Variants in ITPR2 observed in about 807,000 individuals in gnomAD.
The protein encoded by ITPR2 is inositol 1,4,5-trisphosphate-gated calcium channel ITPR2.
A neutral mutation model predicts 317.1 loss-of-function variants in ITPR2; 207 were observed. The ratio of observed to expected loss-of-function variants is 0.65; its 90% CI spans 0.58 to 0.73. ITPR2 has a LOEUF of 0.73. ITPR2 is among the 30% of genes least tolerant of loss of function. The probability of loss-of-function intolerance (pLI) is 0.00; values close to 1 mark genes in which losing one functional copy is unlikely to be tolerated. For synonymous variants in ITPR2, 1,156 were observed against 1,149.1 expected (o/e 1.01, Z -0.12); for missense variants, 2,613 against 3,284.0 (o/e 0.80, Z 4.99).
chr12:26,673,980 C>A (rs1418689150), intron 13 of ITPR2, among the ~76,000 whole-genome samples: 21 of 129,396 alleles, frequency 1.6e-4, no homozygotes, highest in East Asian at 7.0e-4. Flanking sequence ...TAGGAATCCA[C>A]CTTACAAGGG....
At chr12:26,406,431 T>TTG (rs1461851380) in intron 52 of ITPR2, 2 of 93,458 alleles carry the variant, frequency 2.1e-5, no homozygotes, top group Non-Finnish European at 4.9e-5. Context: ...ATATGAAGTT[T>TTG]TTTTTTTTTT....
intron 10 of ITPR2, among the ~76,000 whole-genome samples, chr12:26,690,280 G>A (rs933318103): frequency 1.3e-5 from 2 of 152,216 alleles, no homozygotes; most frequent in African/African-American, 2.4e-5. Flanking sequence ...CTTATTAACA[G>A]AAGATCAGCA....
chr12:26,764,031 T>C (rs1592106021), intron 2 of ITPR2, among the ~76,000 whole-genome samples: 1 of 152,170 alleles, frequency 6.6e-6, no homozygotes, highest in East Asian at 1.9e-4. Context: ...ACAGAACAGA[T>C]AGCCCAGAAA....
rs142560125 is a variant in ITPR2 at position 26,449,893 on chromosome 12, C to T, written c.6343-6243G>A. ...ATGTTCAAATCTTATCTCCTGGTAC[C>T]TATGAATGTGATCTTATTCAGAAAC... On this transcript the variant is annotated intron_variant, in intron 45 of 56. Transcript: ENST00000381340. Among the ~76,000 whole-genome samples the T allele has an allele frequency of 2.3e-3, 351 of 152,228 alleles. 4 individuals are homozygous for T. The highest frequency in any genetic ancestry group is 8.1e-3 in the African/African-American group (336 of 41,536).
chr12:26,594,164 T>C (rs139756130), intron 32 of ITPR2, among the ~76,000 whole-genome samples: 230 of 152,220 alleles, frequency 1.5e-3, no homozygotes, highest in African/African-American at 5.3e-3. Flanking sequence ...TCTCTACAGG[T>C]GCATATTTAC....
intron 45 of ITPR2, among the ~76,000 whole-genome samples, chr12:26,456,751 C>A (rs149069395): frequency 0.038 from 5,716 of 152,234 alleles, 141 homozygotes; most frequent in South Asian, 0.088. Flanking sequence ...CCGCTCACTG[C>A]AACCTCCACC....
intron 37 of ITPR2, among the ~76,000 whole-genome samples, chr12:26,506,949 G>T (rs910154935): frequency 8.2e-6 from 1 of 122,010 alleles, no homozygotes; most frequent in African/African-American, 3.8e-5. Flanking sequence ...ATTTATAATA[G>T]AAGATAAAGA....
At chr12:26,585,250 C>A (rs1439286715) in intron 32 of ITPR2, among the ~76,000 whole-genome samples, 2 of 151,982 alleles carry the variant, frequency 1.3e-5, no homozygotes, top group African/African-American at 4.8e-5. Flanking sequence ...TTATGTGTTT[C>A]ACATCTTCCC....
chr12:26,749,124 A>G (rs1296283379), intron 2 of ITPR2, among the ~76,000 whole-genome samples: 1 of 152,178 alleles, frequency 6.6e-6, no homozygotes, highest in Non-Finnish European at 1.5e-5. Flanking sequence ...CCTATTAACC[A>G]TTTGTGGGTT....
intron 44 of ITPR2, among the ~76,000 whole-genome samples, chr12:26,476,273 T>A (rs1243948850): frequency 6.6e-6 from 1 of 152,234 alleles, no homozygotes; most frequent in Non-Finnish European, 1.5e-5. Context: ...GAGTGGGGCT[T>A]AATCATCAGG....
At chr12:26,704,623 C>T (rs1269292652) in intron 9 of ITPR2, among the ~76,000 whole-genome samples, 1 of 150,262 alleles carries the variant, frequency 6.7e-6, no homozygotes, top group African/African-American at 2.4e-5. Context: ...TAAAACACTA[C>T]TCTGCATTTT....
intron 1 of ITPR2, among the ~76,000 whole-genome samples, 154 bp downstream of exon 1, chr12:26,832,536 G>A (rs1334742738): frequency 6.6e-6 from 1 of 152,226 alleles, no homozygotes; most frequent in Non-Finnish European, 1.5e-5. Flanking sequence ...GGGCGAGCGA[G>A]AGAGCGGAGC....
Position 26,711,166 on chromosome 12 carries a change from G to A in ITPR2, c.951+7C>T. 1 of 1,596,772 alleles carries A rather than the reference G, an allele frequency of 6.3e-7. No homozygotes were observed. Among genetic ancestry groups the A allele is most frequent in the Admixed American group, 1.7e-5 (1 of 59,964 alleles). On this transcript the variant is annotated splice_region_variant and intron_variant, in intron 9 of 56. Coordinates refer to ENST00000381340, the MANE Select transcript of ITPR2 (RefSeq NM_002223.4). Reference sequence around the variant, plus strand: ...AAACTTAATACCACTTTATCCATTAGTCTTACCTCTGCAGCTAAATAGTTT... The same window carrying A: ...AAACTTAATACCACTTTATCCATTAATCTTACCTCTGCAGCTAAATAGTTT...
At chr12:26,529,836 A>ATTTGT (rs1943904630) in intron 37 of ITPR2, among the ~76,000 whole-genome samples, 1 of 152,110 alleles carries the variant, frequency 6.6e-6, no homozygotes, top group Admixed American at 6.5e-5. Flanking sequence ...CACACTGTGT[A>ATTTGT]TTTGTTTATC....
At chr12:26,820,392 G>T (rs903778726) in intron 1 of ITPR2, among the ~76,000 whole-genome samples, 1 of 152,134 alleles carries the variant, frequency 6.6e-6, no homozygotes, top group African/African-American at 2.4e-5. Flanking sequence ...ATGGAGCCAA[G>T]CGCTTTGAGA....
At chr12:26,667,236 C>T (rs1029684119) in intron 13 of ITPR2, among the ~76,000 whole-genome samples, 1 of 152,114 alleles carries the variant, frequency 6.6e-6, no homozygotes, top group African/African-American at 2.4e-5. Flanking sequence ...TCTTTCAATA[C>T]CTTTGGTAAG....
At chr12:26,369,581 C>G (rs940556868) in intron 55 of ITPR2, among the ~76,000 whole-genome samples, 2 of 152,128 alleles carry the variant, frequency 1.3e-5, no homozygotes, top group Non-Finnish European at 2.9e-5. Context: ...TAAAAAGCAA[C>G]AAATGAATGT....
intron 10 of ITPR2, among the ~76,000 whole-genome samples, chr12:26,689,823 C>T (rs947485930): frequency 6.6e-6 from 1 of 152,014 alleles, no homozygotes; most frequent in East Asian, 1.9e-4. Flanking sequence ...AAGAACACGG[C>T]ATACAAAAGG....
chr12:26,654,439 T>C (rs1947329617), intron 20 of ITPR2, among the ~76,000 whole-genome samples: 1 of 152,212 alleles, frequency 6.6e-6, no homozygotes, highest in Non-Finnish European at 1.5e-5. Flanking sequence ...TAATAAATGG[T>C]TGCATCAATT....
Sources: gnomAD v4.1 joint callset for allele counts (sites outside exome capture counted in the v4.1 genomes callset) on GRCh38, gnomAD v4.1.1 for gene constraint, MANE v1.5 for transcripts, NCBI Gene and HGNC (gene_info 2026-07-23, HGNC 2026-07-21) for gene names.